Variants in MMRN1 observed in about 807,000 individuals in gnomAD.
The protein encoded by MMRN1 is multimerin 1, also known as multimerin-1.
Under a neutral mutation model 100.7 loss-of-function variants are expected in MMRN1, and 94 were observed. The observed-to-expected ratio is 0.93, with a 90% CI of 0.79 to 1.11. The LOEUF is 1.11. Ranked by LOEUF, MMRN1 falls within the 50% of genes least tolerant of loss-of-function variation. MMRN1 has a pLI of 0.00. For synonymous variants in MMRN1, 575 were observed against 505.0 expected, an observed-to-expected ratio of 1.14 and a Z score of -1.86; for missense variants, 1,606 against 1,439.1, an observed-to-expected ratio of 1.12 and a Z score of -1.88.
chr4:89,907,962 T>C (rs1721623535), intron 1 of MMRN1, among the ~76,000 whole-genome samples: 1 of 151,368 alleles, frequency 6.6e-6, no homozygotes, highest in Non-Finnish European at 1.5e-5. Context: ...CTGGATTTTG[T>C]TGTTTGCAAG....
At chr4:89,952,135 G>C (rs1411663383) in intron 7 of MMRN1, among the ~76,000 whole-genome samples, 1 of 152,124 alleles carries the variant, frequency 6.6e-6, no homozygotes, top group Admixed American at 6.6e-5. Flanking sequence ...GTCTGGTATG[G>C]TCATTTAAAT....
chr4:89,933,927 T>C (rs1251274741), intron 5 of MMRN1, among the ~76,000 whole-genome samples: 3 of 152,210 alleles, frequency 2.0e-5, no homozygotes, highest in African/African-American at 7.2e-5. Flanking sequence ...CTGTTTTCTT[T>C]GTATGCAAGT....
chr4:89,929,757 G>A (rs990371068), intron 5 of MMRN1, among the ~76,000 whole-genome samples: 5 of 152,094 alleles, frequency 3.3e-5, no homozygotes, highest in African/African-American at 4.8e-5. Flanking sequence ...AAGAACCAGA[G>A]GGCTTGTAGT....
chr4:89,908,535 C>T (rs1419519799), intron 1 of MMRN1, among the ~76,000 whole-genome samples: 2 of 151,362 alleles, frequency 1.3e-5, no homozygotes, highest in Admixed American at 1.3e-4. Context: ...TTCTTTAAAA[C>T]TTTTCAATAA....
upstream of MMRN1, among the ~76,000 whole-genome samples, chr4:89,892,652 T>C (rs959599024): frequency 1.3e-5 from 2 of 151,938 alleles, no homozygotes; most frequent in African/African-American, 4.8e-5. Context: ...ACAGAACCTT[T>C]AGCCTTTTGA....
intron 3 of MMRN1, among the ~76,000 whole-genome samples, chr4:89,913,434 C>T (rs1352590041): frequency 1.3e-5 from 2 of 151,218 alleles, no homozygotes; most frequent in African/African-American, 4.8e-5. Flanking sequence ...TTGATCAGAG[C>T]GTTGTTGCTC....
chr4:89,935,472 A>G lies in MMRN1; in HGVS notation c.1792A>G (p.Lys598Glu). 1 of 1,613,546 alleles carries G rather than the reference A, an allele frequency of 6.2e-7. No homozygotes were observed. The highest frequency in any genetic ancestry group is 1.7e-4 in the Middle Eastern group (1 of 6,056). Reference sequence around the variant, plus strand: ...AGGTGAATGTGAAGACATGTTATCCAAATGCAGAAATGATTTTAAATTTCA... The same window carrying G: ...AGGTGAATGTGAAGACATGTTATCCGAATGCAGAAATGATTTTAAATTTCA... ...LRGECEDMLSKCRNDFKFQLK... is the reference protein window; with the variant it reads ...LRGECEDMLSECRNDFKFQLK... Residue 598 changes from lysine to glutamate, a missense_variant, in exon 6 of 8, where the codon AAA becomes GAA. Lys to Glu is a moderately conservative substitution (Grantham distance 56). Transcript: ENST00000264790.
intron 5 of MMRN1, among the ~76,000 whole-genome samples, chr4:89,931,838 C>G (rs1722449565): frequency 1.3e-5 from 2 of 152,102 alleles, no homozygotes; most frequent in Non-Finnish European, 2.9e-5. Flanking sequence ...ATTATGGAAG[C>G]TACAATTCAA....
chr4:89,914,740 G>A (rs1188789646), intron 3 of MMRN1, among the ~76,000 whole-genome samples: 1 of 151,478 alleles, frequency 6.6e-6, no homozygotes, highest in East Asian at 1.9e-4. Flanking sequence ...AAAGTCAGCA[G>A]TAACATACAC....
In MMRN1 at chr4:89,937,298, A is replaced by T. The variant is rs184416263; in HGVS notation, c.3118+500A>T. On this transcript the variant is annotated intron_variant, in intron 6 of 7. Transcript: ENST00000264790. ...GCTAAGTACTTAGACATGATTTTGT[A>T]AAGAGTAGGGTGTCTGAAAATTGGT... 3.0e-4 allele frequency among the ~76,000 whole-genome samples: 45 copies of T among 152,164 alleles called. No individual in the cohort carries two copies. The East Asian group carries it at 8.7e-3, about 29-fold the overall frequency.
chr4:89,884,447 C>A (rs1039140322), intron 1 of MMRN1, among the ~76,000 whole-genome samples: 1 of 152,008 alleles, frequency 6.6e-6, no homozygotes, highest in Admixed American at 6.6e-5. Flanking sequence ...GTTTTTGATG[C>A]CATTATAAAT....
In MMRN1 at chr4:89,934,948, C is replaced by G. The variant is rs373555253; in HGVS notation, c.1268C>G (p.Thr423Ser). 2.5e-5 allele frequency: 41 copies of G among 1,613,520 alleles called. No homozygotes were observed. Among genetic ancestry groups the G allele is most frequent in the Non-Finnish European group, 3.3e-5 (39 of 1,179,768 alleles). The change falls in exon 6 of 8, where the codon ACC becomes AGC. Residue 423 changes from threonine (T) to serine (S), a missense_variant. Coordinates refer to ENST00000264790, the MANE Select transcript of MMRN1 (RefSeq NM_007351.3). ...VSSLSEDLES[T>S]RQIIQKVNES... is the part of the protein sequence containing the mutation. ...AGTCTATCAGAGGACCTCGAAAGCA[C>G]CAGGCAAATAATTCAAAAAGTTAAT... is the stretch of plus-strand genomic sequence containing the variant.
intron 1 of MMRN1, among the ~76,000 whole-genome samples, chr4:89,882,697 A>G (rs757124115): frequency 6.6e-6 from 1 of 152,032 alleles, no homozygotes; most frequent in Non-Finnish European, 1.5e-5. Flanking sequence ...ATACAATGAT[A>G]GGAAGAGGCA....
Position 89,953,810 on chromosome 4 carries a change from A to G in MMRN1, c.*392A>G, listed in dbSNP as rs1723259596. The G allele has an allele frequency of 1.3e-5, 2 of 154,474 alleles. No individual in the cohort carries two copies. Among genetic ancestry groups the G allele is most frequent in the Admixed American group, 6.5e-5 (1 of 15,332 alleles). The allele number at this position is 154,474 out of a possible 1,614,324, so 9.6% of individuals were successfully genotyped here. On this transcript the variant is annotated 3_prime_UTR_variant, in exon 8 of 8. Transcript: ENST00000264790. Reference sequence around the variant, plus strand: ...TGTTATTCCCTGTATATAAATATATAACACACATTTTCTAGATTCACAAAT... The same window carrying G: ...TGTTATTCCCTGTATATAAATATATGACACACATTTTCTAGATTCACAAAT...
chr4:89,888,255 A>T (rs993610601), intron 1 of MMRN1, among the ~76,000 whole-genome samples: 2 of 151,906 alleles, frequency 1.3e-5, no homozygotes, highest in Non-Finnish European at 2.9e-5. Flanking sequence ...TTCACGTTTT[A>T]CCTATTAAAG....
At position 89,910,277 on chromosome 4, in the gene MMRN1, A is replaced by C. The variant is rs558175048; in HGVS notation, c.743+882A>C. 2.0e-5 allele frequency among the ~76,000 whole-genome samples: 3 copies of C among 151,510 alleles called. No individual in the cohort carries two copies. The South Asian group carries it at 6.2e-4, about 31-fold the overall frequency. On this transcript the variant is annotated intron_variant, in intron 2 of 7. Transcript: ENST00000264790. Reference sequence around the variant, plus strand: ...TTTCAGCCCTCACTCTCTTTGTGACAATTTCCTTGCCAATACGAGACACAA... The same window carrying C: ...TTTCAGCCCTCACTCTCTTTGTGACCATTTCCTTGCCAATACGAGACACAA...
At chr4:89,907,911 G>A (rs1043607923) in intron 1 of MMRN1, among the ~76,000 whole-genome samples, 2 of 147,536 alleles carry the variant, frequency 1.4e-5, no homozygotes, top group Non-Finnish European at 3.0e-5. Flanking sequence ...AGTTTTGTCT[G>A]CTTTTCATGC....
At chr4:89,923,048 C>T in intron 3 of MMRN1, 120 bp from the exon 4 acceptor site, 1 of 788,910 alleles carries the variant, frequency 1.3e-6, no homozygotes, top group Admixed American at 2.3e-5. Flanking sequence ...GCAATCATCC[C>T]CGACCATCAT....
Position 89,936,574 on chromosome 4 carries a change from A to G in MMRN1, c.2894A>G (p.Glu965Gly). The change falls in exon 6 of 8, where the codon GAA (glutamate) becomes GGA (glycine). Residue 965 changes from glutamate (E) to glycine (G), a missense_variant. By Grantham distance (98) the Glu-to-Gly change is moderately conservative (BLOSUM62 -2). Transcript: ENST00000264790. Reference protein sequence around the residue: ...DIQLLQKGLTEFVEPIIQIKT... With the variant: ...DIQLLQKGLTGFVEPIIQIKT... Reference sequence around the variant, plus strand: ...CAACTTCTTCAGAAAGGTCTAACAGAATTTGTGGAACCAATAATTCAAATA... The same window carrying G: ...CAACTTCTTCAGAAAGGTCTAACAGGATTTGTGGAACCAATAATTCAAATA... 6.2e-7 allele frequency: 1 copy of G among 1,612,172 alleles called. No homozygotes were observed. The highest frequency in any genetic ancestry group is 8.5e-7 in the Non-Finnish European group (1 of 1,179,318).
Sources: gnomAD v4.1 joint callset for allele counts (sites outside exome capture counted in the v4.1 genomes callset) on GRCh38, gnomAD v4.1.1 for gene constraint, MANE v1.5 for transcripts, NCBI Gene and HGNC (gene_info 2026-07-23, HGNC 2026-07-21) for gene names.